MTOR: variants seen among roughly 807,000 people sequenced by gnomAD.
MTOR encodes the protein serine/threonine-protein kinase mTOR.
In MTOR, 70 loss-of-function variants were observed where a neutral mutation model predicts 319.8. The observed-to-expected ratio is 0.22, with a 90% CI of 0.18 to 0.27. The LOEUF is 0.27. Ranked by LOEUF, MTOR falls within the 10% of genes least tolerant of loss-of-function variation. The pLI, the probability that MTOR is intolerant of heterozygous loss-of-function variation, is 1.00. For synonymous variants in MTOR, 1,183 were observed against 1,211.4 expected, an observed-to-expected ratio of 0.98 and a Z score of 0.49; for missense variants, 1,890 against 3,274.4, an observed-to-expected ratio of 0.58 and a Z score of 10.32.
At chr1:11,157,344 ATTGT>A (rs1644350634) in intron 29 of MTOR, 53 bp from the exon 30 acceptor site, 1 of 1,584,264 alleles carries the variant, frequency 6.3e-7, no homozygotes. Context: ...AAGGGATCAC[ATTGT>A]TTAATCCACA....
intron 30 of MTOR, among the ~76,000 whole-genome samples, chr1:11,156,681 GC>G (rs1644328518): frequency 6.6e-6 from 1 of 152,120 alleles, no homozygotes; most frequent in South Asian, 2.1e-4. Context: ...CACAGGAAAG[GC>G]CTGTTTTCTT....
intron 28 of MTOR, among the ~76,000 whole-genome samples, chr1:11,181,280 G>T (rs1373416421): frequency 6.6e-6 from 1 of 151,278 alleles, no homozygotes; most frequent in Admixed American, 6.6e-5. Context: ...AAAAAAAAAA[G>T]TGATGAGACA....
At chr1:11,213,965 G>A (rs742824) in intron 20 of MTOR, among the ~76,000 whole-genome samples, 84,016 of 152,158 alleles carry the variant, frequency 0.55, 27,199 homozygotes, top group East Asian at 0.78. Context: ...GATAGCAGTT[G>A]TAAGACTTCC....
intron 28 of MTOR, among the ~76,000 whole-genome samples, chr1:11,198,909 A>T (rs1471005481): frequency 6.6e-6 from 1 of 152,200 alleles, no homozygotes; most frequent in Non-Finnish European, 1.5e-5. Context: ...GAACCAGCAC[A>T]TTCTACTCCA....
Position 11,126,509 on chromosome 1 carries a change from T to A in MTOR, c.6526+113A>T, listed in dbSNP as rs948201311. 105 of 1,194,216 alleles carry A rather than the reference T, an allele frequency of 8.8e-5. 1 individual carries two copies. The highest frequency in any genetic ancestry group is 1.5e-5 in the Non-Finnish European group (13 of 857,524). 74.0% of individuals were successfully genotyped at this position (1,194,216 alleles called of 1,614,324 possible). A position where few individuals can be genotyped will look rare whatever the true frequency, so the allele number is the denominator to read the frequency against. ...CCTCTCAATGAGCATGGGAGAGATG[T>A]AGCTATGATAGGTGAGTAGTGGGAA... On this transcript the variant is annotated intron_variant, in intron 46 of 57. Transcript: ENST00000361445.
In MTOR at chr1:11,231,470, T is replaced by A. The variant is rs1329692913; in HGVS notation, c.2515-36A>T. ...ACAAGAACACGATTCAATGAGCCAGTACGAGAGAAAAGAAAGCATAGTTGA... is the reference window on the plus strand; with the variant it reads ...ACAAGAACACGATTCAATGAGCCAGAACGAGAGAAAAGAAAGCATAGTTGA... On this transcript the variant is annotated intron_variant, in intron 16 of 57. Coordinates refer to ENST00000361445, the MANE Select transcript of MTOR (RefSeq NM_004958.4). 1.9e-6 allele frequency: 3 copies of A among 1,609,492 alleles called. No homozygotes were observed. The South Asian group carries it at 3.3e-5, about 18-fold the overall frequency.
In MTOR at chr1:11,209,437, C is replaced by T. The variant is rs762992446; in HGVS notation, c.3676G>A (p.Glu1226Lys). 1 of 1,614,182 alleles carries T rather than the reference C, an allele frequency of 6.2e-7. No individual in the cohort carries two copies. The highest frequency in any genetic ancestry group is 8.5e-7 in the Non-Finnish European group (1 of 1,180,034). The change falls in exon 25 of 58, where the codon GAG becomes AAG. Residue 1226 changes from glutamate (E) to lysine (K), a missense_variant. Around this residue, in one of 15 missense-constraint regions of MTOR, gnomAD observed 115 missense variants for 105.7 expected, o/e 1.09. Coordinates refer to ENST00000361445, the MANE Select transcript of MTOR (RefSeq NM_004958.4). ...IVKGYTLADE[E>K]EDPLIYQHRM... ...TGCTGGTAAATCAAAGGATCCTCCT[C>T]TTCATCAGCAAGTGTGTATCCCTAC...
intron 11 of MTOR, 118 bp from the exon 12 acceptor site, chr1:11,238,735 T>C (rs1418593239): frequency 3.9e-6 from 3 of 772,342 alleles, no homozygotes; most frequent in South Asian, 1.8e-5. Flanking sequence ...CAACTAGATA[T>C]TGATCAATAC....
At chr1:11,180,726 T>C (rs1476700708) in intron 28 of MTOR, among the ~76,000 whole-genome samples, 1 of 152,148 alleles carries the variant, frequency 6.6e-6, no homozygotes, top group Non-Finnish European at 1.5e-5. Flanking sequence ...AGATGAGCTT[T>C]GTTAGGTTAC....
At chr1:11,242,810 T>C (rs987311226) in intron 9 of MTOR, among the ~76,000 whole-genome samples, 2 of 152,172 alleles carry the variant, frequency 1.3e-5, no homozygotes, top group Non-Finnish European at 2.9e-5. Context: ...TATATCAAAA[T>C]AAGACTTTTA....
intron 31 of MTOR, among the ~76,000 whole-genome samples, chr1:11,148,168 T>C (rs1431367182): frequency 6.6e-6 from 1 of 152,060 alleles, no homozygotes; most frequent in Non-Finnish European, 1.5e-5. Context: ...CCAGCAACCA[T>C]GCTAGATCAT....
rs1253412423 is a variant in MTOR, at chr1:11,256,087, C to G, written c.610G>C (p.Ala204Pro). Reference protein sequence around the residue: ...IFVAVWDPKQAIREGAVAALR... With the variant: ...IFVAVWDPKQPIREGAVAALR... ...GCGGCTACAGCTCCCTCACGGATGGCCTGTTTGGGGTCCCACACGGCCACA... is the reference window on the plus strand; with the variant it reads ...GCGGCTACAGCTCCCTCACGGATGGGCTGTTTGGGGTCCCACACGGCCACA... The change falls in exon 5 of 58, where the codon GCC (alanine) becomes CCC (proline). Residue 204 changes from alanine to proline, a missense_variant. Ala to Pro is a conservative substitution (Grantham distance 27). This residue lies in a region of MTOR where 81 missense variants were observed against 203.6 expected (regional missense o/e 0.40). Transcript: ENST00000361445. The G allele has an allele frequency of 6.2e-7, 1 of 1,614,114 alleles. No individual in the cohort carries two copies. The highest frequency in any genetic ancestry group is 1.7e-5 in the Admixed American group (1 of 60,012).
intron 19 of MTOR, among the ~76,000 whole-genome samples, chr1:11,225,787 A>G (rs1011705047): frequency 6.6e-6 from 1 of 152,200 alleles, no homozygotes; most frequent in Non-Finnish European, 1.5e-5. Flanking sequence ...TAATCCACTC[A>G]GTTCTGGGGC....
At chr1:11,202,856 C>T (rs561151501) in intron 26 of MTOR, among the ~76,000 whole-genome samples, 36 of 152,098 alleles carry the variant, frequency 2.4e-4, no homozygotes, top group African/African-American at 8.0e-4. Flanking sequence ...TGCAGTGAGC[C>T]GAGATCGTCC....
At chr1:11,142,671 T>C (rs1227663738) in intron 34 of MTOR, among the ~76,000 whole-genome samples, 2 of 152,114 alleles carry the variant, frequency 1.3e-5, no homozygotes, top group Non-Finnish European at 2.9e-5. Context: ...TACTGCTTCA[T>C]GGTAAATTCC....
intron 28 of MTOR, among the ~76,000 whole-genome samples, chr1:11,173,272 A>G (rs907893663): frequency 6.6e-6 from 1 of 151,222 alleles, no homozygotes; most frequent in African/African-American, 2.4e-5. Flanking sequence ...GGGATTACAG[A>G]TGTGAGCCAC....
rs1642522012 is a variant in MTOR at position 11,121,479 on chromosome 1, C to G, written c.6811-111G>C. 2 of 1,415,818 alleles carry G rather than the reference C, an allele frequency of 1.4e-6. No individual in the cohort carries two copies. The highest frequency in any genetic ancestry group is 1.3e-5 in the South Asian group (1 of 77,738). 87.7% of individuals were successfully genotyped at this position (1,415,818 alleles called of 1,614,324 possible). On this transcript the variant is annotated intron_variant, in intron 48 of 57. Coordinates refer to ENST00000361445, the MANE Select transcript of MTOR (RefSeq NM_004958.4). The surrounding 1 kb of genome is among the most constrained non-coding windows in gnomAD (Gnocchi z 4.9). Reference sequence around the variant, plus strand: ...CAGAGCTGAGTTCTAATTTCCCCATCATAGCCAAAGGAGAAGGGAAATAAG... The same window carrying G: ...CAGAGCTGAGTTCTAATTTCCCCATGATAGCCAAAGGAGAAGGGAAATAAG...
chr1:11,215,866 G>C (rs1035425102), intron 20 of MTOR, among the ~76,000 whole-genome samples: 2 of 152,186 alleles, frequency 1.3e-5, no homozygotes, highest in Non-Finnish European at 2.9e-5. Flanking sequence ...AAGTAAAATT[G>C]CTTTGTTGTG....
chr1:11,240,577 G>C (rs754808859), intron 10 of MTOR, 30 bp from the exon 11 acceptor site: 1 of 1,605,972 alleles, frequency 6.2e-7, no homozygotes, highest in Non-Finnish European at 8.5e-7. Flanking sequence ...TCACATAAGG[G>C]CTGGGCACAT....
Sources: allele counts gnomAD v4.1 joint callset (sites outside exome capture counted in the v4.1 genomes callset), GRCh38; gene constraint gnomAD v4.1.1; regional missense constraint gnomAD v4.1.1; non-coding constraint Gnocchi (gnomAD v3.1); transcripts MANE v1.5; gene names NCBI Gene and HGNC (gene_info 2026-07-23, HGNC 2026-07-21).